Variants in CMKLR2 observed in about 807,000 individuals in gnomAD.
CMKLR2 encodes chemerin chemokine-like receptor 2.
A neutral mutation model predicts 23.0 loss-of-function variants in CMKLR2; 18 were observed. The observed-to-expected ratio is 0.78, with a 90% CI of 0.54 to 1.16. CMKLR2 has a LOEUF of 1.16. Ranked by LOEUF, CMKLR2 falls within the 50% of genes most tolerant of loss-of-function variation. The pLI is 0.00. For missense variants in CMKLR2, 401 were observed against 412.7 expected, an observed-to-expected ratio of 0.97 and a Z score of 0.25; for synonymous variants, 158 against 158.9, an observed-to-expected ratio of 0.99 and a Z score of 0.05.
At chr2:206,200,779 C>T (rs1023389177) in intron 1 of CMKLR2, among the ~76,000 whole-genome samples, 2 of 152,066 alleles carry the variant, frequency 1.3e-5, no homozygotes, top group Non-Finnish European at 2.9e-5. Flanking sequence ...TTATTTCTGA[C>T]AAGGAACTTG....
At chr2:206,188,457 T>A (rs1366678570) in intron 1 of CMKLR2, among the ~76,000 whole-genome samples, 2 of 152,226 alleles carry the variant, frequency 1.3e-5, no homozygotes, top group African/African-American at 4.8e-5. Context: ...GGCAAATAAA[T>A]AATTCTGACT....
chr2:206,181,390 A>G (rs1462398261), intron 1 of CMKLR2, among the ~76,000 whole-genome samples: 2 of 151,402 alleles, frequency 1.3e-5, no homozygotes, highest in Non-Finnish European at 2.9e-5. Flanking sequence ...AACGAGTATC[A>G]CTATGTTGCC....
intron 1 of CMKLR2, among the ~76,000 whole-genome samples, chr2:206,180,712 G>A (rs928879206): frequency 1.4e-5 from 2 of 145,888 alleles, no homozygotes; most frequent in African/African-American, 5.0e-5. Flanking sequence ...GGAATTACAG[G>A]AGTGAGTAAC....
intron 1 of CMKLR2, among the ~76,000 whole-genome samples, chr2:206,204,123 C>T (rs1245585619): frequency 6.6e-6 from 1 of 151,988 alleles, no homozygotes; most frequent in Non-Finnish European, 1.5e-5. Flanking sequence ...GAGTCCGAGG[C>T]GGGCGGATCA....
intron 1 of CMKLR2, among the ~76,000 whole-genome samples, chr2:206,189,233 T>C (rs944849901): frequency 1.3e-5 from 2 of 151,946 alleles, no homozygotes; most frequent in Admixed American, 6.6e-5. Flanking sequence ...CTGTGTAGAG[T>C]TCCTCACACA....
chr2:206,207,227 T>C (rs567884137), intron 1 of CMKLR2, among the ~76,000 whole-genome samples: 126 of 150,462 alleles, frequency 8.4e-4, no homozygotes, highest in African/African-American at 2.8e-3. Context: ...CTTGGTTCAC[T>C]GCAACAGGGT....
chr2:206,178,860 G>A (rs1559082756), intron 1 of CMKLR2, among the ~76,000 whole-genome samples: 1 of 151,890 alleles, frequency 6.6e-6, no homozygotes, highest in Non-Finnish European at 1.5e-5. Context: ...TGTTGACCAG[G>A]CTGGTCTCAA....
chr2:206,209,134 C>T (rs920196428), intron 1 of CMKLR2, among the ~76,000 whole-genome samples: 2 of 151,860 alleles, frequency 1.3e-5, no homozygotes, highest in Admixed American at 1.3e-4. Flanking sequence ...GGCCAGGAGT[C>T]GGAGACCAGC....
chr2:206,196,805 CT>C (rs1166095981), intron 1 of CMKLR2, among the ~76,000 whole-genome samples: 17 of 152,300 alleles, frequency 1.1e-4, no homozygotes, highest in South Asian at 4.1e-4. Flanking sequence ...TGCAGGATGA[CT>C]TTACAAGAAC....
Position 206,177,318 on chromosome 2 carries a change from AAAAT to A in CMKLR2, c.-28-47_-28-44del, listed in dbSNP as rs1688265954. The A allele has an allele frequency of 7.6e-6, 7 of 915,472 alleles. No homozygotes were observed. In the South Asian group the frequency reaches 1.3e-4, roughly 16 times the overall value. 56.7% of individuals were successfully genotyped at this position (915,472 alleles called of 1,614,324 possible). A position where few individuals can be genotyped will look rare whatever the true frequency, so the allele number is the denominator to read the frequency against. Reference sequence around the variant, plus strand: ...AAAAGAAAGAAAAAATTTTAAAAGAAAAATAAAAGTTCAGTGAATGATAAGGAAC... The same window carrying A: ...AAAAGAAAGAAAAAATTTTAAAAGAAAAAAGTTCAGTGAATGATAAGGAAC... On this transcript the variant is annotated intron_variant, in intron 1 of 1. Coordinates refer to ENST00000621141, the MANE Select transcript of CMKLR2 (RefSeq NM_001389445.1).
intron 1 of CMKLR2, among the ~76,000 whole-genome samples, chr2:206,181,561 A>T: frequency 6.6e-6 from 1 of 152,196 alleles, no homozygotes; most frequent in East Asian, 1.9e-4. Context: ...AGCCTTACTA[A>T]TGACATAAAG....
intron 1 of CMKLR2, among the ~76,000 whole-genome samples, chr2:206,208,574 G>A (rs1182743708): frequency 6.6e-6 from 1 of 151,836 alleles, no homozygotes; most frequent in Non-Finnish European, 1.5e-5. Context: ...TGGTTTTAAT[G>A]TGTAGAAATA....
chr2:206,190,455 T>G (rs889117211), intron 1 of CMKLR2, among the ~76,000 whole-genome samples: 1 of 152,164 alleles, frequency 6.6e-6, no homozygotes, highest in African/African-American at 2.4e-5. Context: ...AGTAAGACAA[T>G]CATTCAGGAG....
At chr2:206,213,260 C>T (rs1689636027) in intron 1 of CMKLR2, 47 bp downstream of exon 1, 1 of 152,174 alleles carries the variant, frequency 6.6e-6, no homozygotes, top group Admixed American at 6.5e-5. Context: ...TCATCAGGTC[C>T]ACTGTAAATG....
intron 1 of CMKLR2, among the ~76,000 whole-genome samples, chr2:206,181,059 C>CTTA (rs967518690): frequency 2.0e-5 from 3 of 150,150 alleles, no homozygotes; most frequent in South Asian, 2.1e-4. Context: ...CATGCCCGGA[C>CTTA]TTATTATTAT....
intron 1 of CMKLR2, among the ~76,000 whole-genome samples, chr2:206,211,516 A>G (rs1161518629): frequency 6.6e-6 from 1 of 151,734 alleles, no homozygotes; most frequent in African/African-American, 2.4e-5. Flanking sequence ...GTAGAGACAG[A>G]GTCTCTACTA....
At chr2:206,195,956 A>G (rs562694616) in intron 1 of CMKLR2, among the ~76,000 whole-genome samples, 2 of 152,320 alleles carry the variant, frequency 1.3e-5, no homozygotes, top group South Asian at 4.1e-4. Flanking sequence ...CTCCATCTCA[A>G]AAACAAACAA....
intron 1 of CMKLR2, among the ~76,000 whole-genome samples, chr2:206,194,968 A>G (rs1456506959): frequency 2.7e-5 from 4 of 149,344 alleles, no homozygotes; most frequent in South Asian, 2.1e-4. Context: ...GTGTTAGCCA[A>G]GATGGTCTCG....
chr2:206,198,671 A>T (rs1002661120), intron 1 of CMKLR2, among the ~76,000 whole-genome samples: 1 of 152,234 alleles, frequency 6.6e-6, no homozygotes, highest in African/African-American at 2.4e-5. Flanking sequence ...AAATGAAAAC[A>T]AAACCTTCCC....
Sources: gnomAD v4.1 joint callset for allele counts (sites outside exome capture counted in the v4.1 genomes callset) on GRCh38, gnomAD v4.1.1 for gene constraint, MANE v1.5 for transcripts, NCBI Gene and HGNC (gene_info 2026-07-23, HGNC 2026-07-21) for gene names.